The following INPP4B variants were observed in gnomAD, a reference collection of about 807,000 sequenced individuals.
INPP4B encodes the protein inositol polyphosphate-4-phosphatase type II B.
A neutral mutation model predicts 122.5 loss-of-function variants in INPP4B; 55 were observed. The ratio of observed to expected loss-of-function variants is 0.45; its 90% confidence interval spans 0.36 to 0.56. The LOEUF is 0.56. Among genes scored for constraint, INPP4B ranks in the 20% least tolerant of loss-of-function variants. INPP4B has a pLI of 0.00. For missense variants in INPP4B, 1,000 were observed against 1,097.7 expected (o/e 0.91, Z 1.26); for synonymous variants, 403 against 388.7 (o/e 1.04, Z -0.43).
chr4:142,597,917 AAAAAC>A (rs1405142876), intron 2 of INPP4B, among the ~76,000 whole-genome samples: 1 of 152,204 alleles, frequency 6.6e-6, no homozygotes, highest in Admixed American at 6.5e-5. Context: ...TTCTAGTATA[AAAAAC>A]AAAACAAAAC....
In INPP4B at chr4:142,306,205, A is replaced by G. The variant is rs188434611; in HGVS notation, c.424-668T>C. Among the ~76,000 whole-genome samples, 31 of 149,584 alleles carry G rather than the reference A, an allele frequency of 2.1e-4. 1 individual carries two copies. Among genetic ancestry groups the G allele is most frequent in the African/African-American group, 6.1e-4 (25 of 40,736 alleles). On this transcript the variant is annotated intron_variant, in intron 8 of 25. Coordinates refer to ENST00000262992, the MANE Select transcript of INPP4B (RefSeq NM_001101669.3). ...TCTGCTTTCTACTCTTTTTGACTCA[A>G]TGTAAAGAATAAAACTCCAAATTGT...
At chr4:142,793,711 A>G (rs921464796) in intron 1 of INPP4B, among the ~76,000 whole-genome samples, 1 of 152,128 alleles carries the variant, frequency 6.6e-6, no homozygotes, top group African/African-American at 2.4e-5. Flanking sequence ...AAAACATTTT[A>G]GAAGGGTTAC....
intron 1 of INPP4B, among the ~76,000 whole-genome samples, chr4:142,773,510 C>T (rs1458616740): frequency 6.6e-6 from 1 of 152,108 alleles, no homozygotes; most frequent in Non-Finnish European, 1.5e-5. Context: ...TCTATACATT[C>T]GGTATACTAG....
chr4:142,800,670 A>G (rs1311125719), intron 1 of INPP4B, among the ~76,000 whole-genome samples: 1 of 152,196 alleles, frequency 6.6e-6, no homozygotes, highest in African/African-American at 2.4e-5. Context: ...TAGTTAGCTT[A>G]TAACCCTAAA....
At chr4:142,610,279 CA>C (rs1344495087) in intron 2 of INPP4B, among the ~76,000 whole-genome samples, 1 of 152,166 alleles carries the variant, frequency 6.6e-6, no homozygotes, top group Non-Finnish European at 1.5e-5. Flanking sequence ...TTGCCTTCCA[CA>C]ATGATTGTGA....
intron 2 of INPP4B, among the ~76,000 whole-genome samples, chr4:142,600,774 T>A (rs1739724691): frequency 6.6e-6 from 1 of 152,068 alleles, no homozygotes; most frequent in Non-Finnish European, 1.5e-5. Context: ...TTAAGAATGA[T>A]CCAACTAGAT....
At position 142,029,256 on chromosome 4, in the gene INPP4B, T is replaced by A. The variant is rs1738297564; in HGVS notation, c.2643-342A>T. Reference sequence around the variant, plus strand: ...ATTTCCACAAATTAATTTCTCAGTCTCTTTAAAACACATTAAAATCTATAT... The same window carrying A: ...ATTTCCACAAATTAATTTCTCAGTCACTTTAAAACACATTAAAATCTATAT... On this transcript the variant is annotated intron_variant, in intron 25 of 25. Transcript: ENST00000262992. 4.0e-6 allele frequency: 4 copies of A among 1,004,560 alleles called. No homozygotes were observed. The South Asian group carries it at 1.8e-4, about 45-fold the overall frequency. 62.2% of individuals were successfully genotyped at this position (1,004,560 alleles called of 1,614,324 possible). A position where few individuals can be genotyped will look rare whatever the true frequency, so the allele number is the denominator to read the frequency against.
At chr4:142,826,169 C>G (rs1408055681) in intron 1 of INPP4B, among the ~76,000 whole-genome samples, 1 of 152,060 alleles carries the variant, frequency 6.6e-6, no homozygotes, top group Non-Finnish European at 1.5e-5. Context: ...CTTTCTTTTT[C>G]CAGCCCTGAC....
intron 25 of INPP4B, among the ~76,000 whole-genome samples, chr4:142,038,236 A>G (rs567529429): frequency 2.0e-5 from 3 of 152,302 alleles, no homozygotes; most frequent in South Asian, 4.1e-4. Context: ...AGGGAATATC[A>G]TGAGTGAGAT....
At chr4:142,470,461 T>C (rs1009096937) in intron 2 of INPP4B, among the ~76,000 whole-genome samples, 2 of 152,194 alleles carry the variant, frequency 1.3e-5, no homozygotes, top group Non-Finnish European at 2.9e-5. Flanking sequence ...GCTACTTTCC[T>C]ACATTCCCAA....
intron 23 of INPP4B, 115 bp from the exon 24 acceptor site, chr4:142,086,371 GT>G: frequency 1.6e-6 from 1 of 642,072 alleles, no homozygotes; most frequent in Non-Finnish European, 2.7e-6. Flanking sequence ...TTTAGGCAGG[GT>G]CTTGCTCTGC....
chr4:142,694,718 C>G (rs1438044310), intron 2 of INPP4B, among the ~76,000 whole-genome samples: 1 of 152,102 alleles, frequency 6.6e-6, no homozygotes, highest in Non-Finnish European at 1.5e-5. Context: ...GTGGTGAGCT[C>G]CGCATCTGAT....
intron 18 of INPP4B, among the ~76,000 whole-genome samples, chr4:142,144,634 A>C (rs1379658780): frequency 6.6e-6 from 1 of 152,114 alleles, no homozygotes; most frequent in Non-Finnish European, 1.5e-5. Flanking sequence ...ATCCCTACAT[A>C]CAGTTAGATC....
chr4:142,679,466 G>C (rs1294328776), intron 2 of INPP4B, among the ~76,000 whole-genome samples: 1 of 151,704 alleles, frequency 6.6e-6, no homozygotes, highest in African/African-American at 2.4e-5. Flanking sequence ...TTAATTTATG[G>C]CACTAGAGTT....
intron 7 of INPP4B, among the ~76,000 whole-genome samples, chr4:142,386,574 C>G (rs552441663): frequency 6.6e-6 from 1 of 152,172 alleles, no homozygotes; most frequent in Non-Finnish European, 1.5e-5. Context: ...ATACTTCAAC[C>G]ACTTGAACAC....
intron 2 of INPP4B, among the ~76,000 whole-genome samples, chr4:142,706,302 G>A (rs1366038400): frequency 6.6e-6 from 1 of 152,084 alleles, no homozygotes; most frequent in East Asian, 1.9e-4. Flanking sequence ...CTCCCTTTCT[G>A]GATTTTAAAC....
chr4:142,025,478 TTTAA>T lies in INPP4B; in HGVS notation c.*3300_*3303del, dbSNP rs1391686540. On this transcript the variant is annotated 3_prime_UTR_variant, in exon 26 of 26. Coordinates refer to ENST00000262992, the MANE Select transcript of INPP4B (RefSeq NM_001101669.3). ...AACTAGCTTACAAAATTTCTGGTAC[TTTAA>T]TTATCAACTTTTATGCATCAGAACG... 9 of 152,196 alleles carry T rather than the reference TTTAA, an allele frequency of 5.9e-5. No individual in the cohort carries two copies. Among genetic ancestry groups the T allele is most frequent in the African/African-American group, 1.9e-4 (8 of 41,452 alleles). 9.4% of individuals were successfully genotyped at this position (152,196 alleles called of 1,614,324 possible).
chr4:142,588,254 T>C (rs1736660982), intron 2 of INPP4B, among the ~76,000 whole-genome samples: 1 of 151,882 alleles, frequency 6.6e-6, no homozygotes, highest in Non-Finnish European at 1.5e-5. Context: ...AAGGCAAGAA[T>C]ATCCTCTTAC....
intron 1 of INPP4B, among the ~76,000 whole-genome samples, chr4:142,787,689 T>G (rs893880817): frequency 1.3e-5 from 2 of 151,884 alleles, no homozygotes; most frequent in African/African-American, 4.8e-5. Context: ...AATTCTGCTT[T>G]GGGTAAAGTA....
Sources: allele counts gnomAD v4.1 joint callset (sites outside exome capture counted in the v4.1 genomes callset), GRCh38; gene constraint gnomAD v4.1.1; transcripts MANE v1.5; gene names NCBI Gene and HGNC (gene_info 2026-07-23, HGNC 2026-07-21).